Variants in TMEM67 observed in about 807,000 individuals in gnomAD.
TMEM67 encodes the protein meckelin.
In TMEM67, 124 loss-of-function variants were observed where a neutral mutation model predicts 136.6. The observed-to-expected ratio is 0.91, with a 90% confidence interval of 0.78 to 1.05. The LOEUF is 1.05. TMEM67 is among the 50% of genes least tolerant of loss of function. The pLI is 0.00. For synonymous variants in TMEM67, 364 were observed against 390.5 expected (o/e 0.93, Z 0.80); for missense variants, 1,107 against 1,178.4 (o/e 0.94, Z 0.89).
chr8:93,809,196 C>A, intron 25 of TMEM67, 35 bp downstream of exon 25: 1 of 1,260,782 alleles, frequency 7.9e-7, no homozygotes, highest in Non-Finnish European at 1.2e-6. Context: ...AAGCTGGGAT[C>A]AAATGCAATT....
Position 93,795,768 on chromosome 8 carries a change from G to T in TMEM67, c.1774-133G>T, listed in dbSNP as rs980227466. The stretch of plus-strand genomic sequence containing the variant: ...TAGGTGGGAGGATCCTGTGAGTCCA[G>T]AATCAAGTCCTGCCCGGGCAGCATA... On this transcript the variant is annotated intron_variant, in intron 17 of 27. Coordinates refer to ENST00000453321, the MANE Select transcript of TMEM67 (RefSeq NM_153704.6). The T allele has an allele frequency of 3.9e-5, 28 of 714,628 alleles. No individual in the cohort carries two copies. In the African/African-American group the frequency reaches 4.9e-4, roughly 12 times the overall value. The allele number at this position is 714,628 out of a possible 1,614,324, so 44.3% of individuals were successfully genotyped here.
At position 93,780,962 on chromosome 8, in the gene TMEM67, A is replaced by T. The variant is rs111619594; in HGVS notation, c.958A>T (p.Ser320Cys). 486 of 1,609,204 alleles carry T rather than the reference A, an allele frequency of 3.0e-4. 1 individual carries two copies. Among genetic ancestry groups the T allele is most frequent in the African/African-American group, 2.7e-3 (204 of 74,948 alleles). ...TTCTACCTCTCTTCCTACAAATTTC[A>T]GTTTTAAAGGAGAAAACCAGGTAAA... Reference protein sequence around the residue: ...LSSTSLPTNFSFKGENQNTKL... With the variant: ...LSSTSLPTNFCFKGENQNTKL... The change falls in exon 9 of 28, where the codon AGT becomes TGT. Residue 320 changes from serine (S) to cysteine (C), a missense_variant. By Grantham distance (112) the Ser-to-Cys change is moderately radical. Around this residue, in one of 3 missense-constraint regions of TMEM67, gnomAD observed 925 missense variants for 1,002.4 expected, o/e 0.92. Transcript: ENST00000453321.
At chr8:93,801,938 G>A (rs1225219513) in intron 21 of TMEM67, among the ~76,000 whole-genome samples, 1 of 152,118 alleles carries the variant, frequency 6.6e-6, no homozygotes, top group Non-Finnish European at 1.5e-5. Context: ...TCAATGTTAA[G>A]GAAATATTTT....
At chr8:93,808,292 T>C (rs1415248263) in intron 23 of TMEM67, among the ~76,000 whole-genome samples, 1 of 143,080 alleles carries the variant, frequency 7.0e-6, no homozygotes, top group Non-Finnish European at 1.5e-5. Context: ...TATTATGGAT[T>C]ATATATATTA....
At chr8:93,813,033 G>A (rs1479173652) in intron 26 of TMEM67, among the ~76,000 whole-genome samples, 3 of 151,894 alleles carry the variant, frequency 2.0e-5, no homozygotes, top group South Asian at 4.2e-4. Context: ...ACCGTGTCTG[G>A]CCCTATTATT....
At chr8:93,764,261 C>T (rs1586347147) in intron 4 of TMEM67, among the ~76,000 whole-genome samples, 1 of 152,100 alleles carries the variant, frequency 6.6e-6, no homozygotes, top group East Asian at 1.9e-4. Context: ...TAAATAGATA[C>T]AGTTCTTAGT....
intron 18 of TMEM67, among the ~76,000 whole-genome samples, chr8:93,796,787 C>A (rs565426372): frequency 6.6e-6 from 1 of 152,216 alleles, no homozygotes; most frequent in African/African-American, 2.4e-5. Flanking sequence ...GTCAGCTGAT[C>A]TACAAAACAA....
At chr8:93,819,375 G>A (rs779257502), downstream of TMEM67, 8 of 345,840 alleles carry the variant, frequency 2.3e-5, no homozygotes, top group African/African-American at 8.7e-5. Context: ...ACACCCCTGT[G>A]GGAGACACAG....
intron 14 of TMEM67, among the ~76,000 whole-genome samples, chr8:93,788,961 A>C (rs1814245974): frequency 6.6e-6 from 1 of 152,160 alleles, no homozygotes; most frequent in Non-Finnish European, 1.5e-5. Context: ...CCCTGCTTTG[A>C]GGAGGGGTAA....
At chr8:93,798,942 A>AGTGT (rs35511670) in intron 20 of TMEM67, among the ~76,000 whole-genome samples, 8,201 of 143,390 alleles carry the variant, frequency 0.057, 299 homozygotes, top group African/African-American at 0.11. Context: ...GTACTAAAGT[A>AGTGT]GTGTGTGTGT....
chr8:93,829,789 T>C, the TMEM67 span, among the ~76,000 whole-genome samples: 32 of 152,236 alleles, frequency 2.1e-4, no homozygotes, highest in Admixed American at 1.5e-3. Flanking sequence ...GGCTCATAAC[T>C]CCCACAGCCC....
At chr8:93,800,123 C>T (rs915223837) in intron 21 of TMEM67, among the ~76,000 whole-genome samples, 2 of 151,996 alleles carry the variant, frequency 1.3e-5, no homozygotes, top group East Asian at 1.9e-4. Context: ...GTTGGTCAGG[C>T]TGGTCTTGAA....
At chr8:93,822,257 A>AGTC, downstream of TMEM67, among the ~76,000 whole-genome samples, 1 of 152,364 alleles carries the variant, frequency 6.6e-6, no homozygotes, top group South Asian at 2.1e-4. Flanking sequence ...CAACCTTGTT[A>AGTC]GTCATAAGAA....
chr8:93,822,370 C>G (rs1243978599), downstream of TMEM67, among the ~76,000 whole-genome samples: 1 of 152,186 alleles, frequency 6.6e-6, no homozygotes, highest in East Asian at 1.9e-4. Flanking sequence ...AGCAAAAGAA[C>G]TTTCATACTG....
At chr8:93,790,839 G>T (rs1485062296) in intron 14 of TMEM67, among the ~76,000 whole-genome samples, 3 of 152,058 alleles carry the variant, frequency 2.0e-5, no homozygotes, top group Admixed American at 6.5e-5. Context: ...CCTTTACTAG[G>T]TTCTTCTTTC....
At chr8:93,776,980 C>G (rs1813575132) in intron 7 of TMEM67, among the ~76,000 whole-genome samples, 1 of 152,182 alleles carries the variant, frequency 6.6e-6, no homozygotes, top group African/African-American at 2.4e-5. Context: ...CCATCTGGTC[C>G]TGGACTTTTT....
At chr8:93,823,227 G>A (rs1362746380), downstream of TMEM67, among the ~76,000 whole-genome samples, 2 of 152,104 alleles carry the variant, frequency 1.3e-5, no homozygotes, top group African/African-American at 2.4e-5. Flanking sequence ...GGTTTCTTCT[G>A]GAGGCTCTAA....
chr8:93,795,981 T>C lies in TMEM67; in HGVS notation c.1854T>C (p.Ala618=). ...RFVTYVGCAF[A]LKALQFLHKL... ...TCACTTATGTTGGATGTGCCTTTGC[T>C]CTGAAGGTAAGTTTTAAAGGACAGG... The change falls in exon 18 of 28, where the codon GCT becomes GCC. Residue 618 remains alanine, a synonymous_variant. Coordinates refer to ENST00000453321, the MANE Select transcript of TMEM67 (RefSeq NM_153704.6). 2 of 1,611,822 alleles carry C rather than the reference T, an allele frequency of 1.2e-6. No individual in the cohort carries two copies. Among genetic ancestry groups the C allele is most frequent in the Non-Finnish European group, 1.7e-6 (2 of 1,177,954 alleles).
At chr8:93,787,073 G>T (rs1814143306) in intron 13 of TMEM67, among the ~76,000 whole-genome samples, 1 of 152,004 alleles carries the variant, frequency 6.6e-6, no homozygotes, top group Non-Finnish European at 1.5e-5. Flanking sequence ...TGCTAATATG[G>T]TGTTCCTAGT....
Sources: allele counts gnomAD v4.1 joint callset (sites outside exome capture counted in the v4.1 genomes callset), GRCh38; gene constraint gnomAD v4.1.1; regional missense constraint gnomAD v4.1.1; transcripts MANE v1.5; gene names NCBI Gene and HGNC (gene_info 2026-07-23, HGNC 2026-07-21).